The following ZMAT4 variants were observed in gnomAD, a reference collection of about 807,000 sequenced individuals.
ZMAT4 encodes zinc finger matrin-type protein 4.
A neutral mutation model predicts 28.7 loss-of-function variants in ZMAT4; 17 were observed. The observed-to-expected ratio is 0.59, with a 90% CI of 0.41 to 0.89. The LOEUF (loss-of-function observed/expected upper bound fraction) is 0.89, where lower values mean the gene tolerates loss of function less well. ZMAT4 is among the 40% of genes least tolerant of loss of function. The pLI, the probability that ZMAT4 is intolerant of heterozygous loss-of-function variation, is 0.00. For synonymous variants in ZMAT4, 117 were observed against 109.2 expected (o/e 1.07, Z -0.44); for missense variants, 240 against 283.8 (o/e 0.85, Z 1.11).
At chr8:40,633,131 CA>C (rs1806657364) in intron 5 of ZMAT4, among the ~76,000 whole-genome samples, 2 of 152,086 alleles carry the variant, frequency 1.3e-5, no homozygotes, top group African/African-American at 4.8e-5. Context: ...AAAAAATTAA[CA>C]TTAATTTTTT....
intron 5 of ZMAT4, among the ~76,000 whole-genome samples, chr8:40,663,159 C>A (rs984639214): frequency 5.9e-5 from 9 of 152,172 alleles, no homozygotes; most frequent in African/African-American, 2.2e-4. Context: ...AACCCAAGGT[C>A]CCATCTGACC....
chr8:40,819,381 T>C (rs1815661548), intron 2 of ZMAT4, among the ~76,000 whole-genome samples: 1 of 152,200 alleles, frequency 6.6e-6, no homozygotes, highest in Non-Finnish European at 1.5e-5. Context: ...CAATGCTCAA[T>C]GTATTAATAC....
At chr8:40,687,019 G>A (rs1005477169) in intron 4 of ZMAT4, among the ~76,000 whole-genome samples, 4 of 152,138 alleles carry the variant, frequency 2.6e-5, no homozygotes, top group African/African-American at 9.7e-5. Context: ...GTGCAATGGT[G>A]GTGGCATGTT....
intron 3 of ZMAT4, among the ~76,000 whole-genome samples, chr8:40,759,302 A>C (rs967815867): frequency 7.5e-6 from 1 of 132,670 alleles, no homozygotes; most frequent in Admixed American, 7.5e-5. Flanking sequence ...AAAAAAAAAA[A>C]GGGAAAAGCC....
At position 40,612,219 on chromosome 8, in the gene ZMAT4, A is replaced by ACTGCAACCTCCGCCTGCCAGG. The variant is rs1343159518; in HGVS notation, c.578-30959_578-30958insCCTGGCAGGCGGAGGTTGCAG. 1.9e-4 allele frequency among the ~76,000 whole-genome samples: 27 copies of ACTGCAACCTCCGCCTGCCAGG among 141,272 alleles called. 4 individuals are homozygous for ACTGCAACCTCCGCCTGCCAGG. The highest frequency in any genetic ancestry group is 3.0e-4 in the Non-Finnish European group (18 of 60,760). 92.7% of individuals were successfully genotyped at this position (141,272 alleles called of 152,430 possible). A position where few individuals can be genotyped will look rare whatever the true frequency, so the allele number is the denominator to read the frequency against. ...ATGAACACTCAATCAATGCTCATTC[A>ACTGCAACCTCCGCCTGCCAGG]TATCCTCTGTCTTCTTTCTCTTAGA... On this transcript the variant is annotated intron_variant, in intron 5 of 6. Transcript: ENST00000297737.
At chr8:40,815,696 A>G (rs1395633584) in intron 2 of ZMAT4, among the ~76,000 whole-genome samples, 1 of 152,226 alleles carries the variant, frequency 6.6e-6, no homozygotes, top group Non-Finnish European at 1.5e-5. Flanking sequence ...GAGAAATGCT[A>G]TAGGTCAGAC....
chr8:40,675,954 T>A (rs182293830), intron 4 of ZMAT4, among the ~76,000 whole-genome samples: 19 of 152,330 alleles, frequency 1.2e-4, no homozygotes, highest in Admixed American at 3.3e-4. Flanking sequence ...CATTTTACTG[T>A]GAGCTTAGGA....
At chr8:40,646,680 G>C (rs1253792411) in intron 5 of ZMAT4, among the ~76,000 whole-genome samples, 1 of 152,046 alleles carries the variant, frequency 6.6e-6, no homozygotes, top group Non-Finnish European at 1.5e-5. Flanking sequence ...ATGTACCTAA[G>C]AATAGAGCCC....
chr8:40,874,747 G>A (rs889065366), intron 1 of ZMAT4, among the ~76,000 whole-genome samples: 3 of 152,228 alleles, frequency 2.0e-5, no homozygotes, highest in Admixed American at 6.5e-5. Context: ...ATTTATTTTA[G>A]TAGTTTTATC....
intron 2 of ZMAT4, among the ~76,000 whole-genome samples, chr8:40,812,618 T>C (rs1263193623): frequency 6.6e-6 from 1 of 152,074 alleles, no homozygotes. Flanking sequence ...TGAACAAAGA[T>C]TGGACTTGAC....
rs139403907 is a variant in ZMAT4 at position 40,665,221 on chromosome 8, CAA to C, written c.577+9481_577+9482del. Among the ~76,000 whole-genome samples, 822 of 148,650 alleles carry C rather than the reference CAA, an allele frequency of 5.5e-3. 6 individuals are homozygous for C. The highest frequency in any genetic ancestry group is 0.018 in the African/African-American group (746 of 40,598). ...ACTGTCTCAAAAAAACAAACAACAA[CAA>C]AAAAACACACACACAAAAAAAACAA... On this transcript the variant is annotated intron_variant, in intron 5 of 6. Transcript: ENST00000297737.
chr8:40,584,857 CG>C (rs1380898937), intron 5 of ZMAT4, among the ~76,000 whole-genome samples: 1 of 152,144 alleles, frequency 6.6e-6, no homozygotes, highest in African/African-American at 2.4e-5. Flanking sequence ...TGGTCTCAAA[CG>C]CCAGATCTCA....
intron 1 of ZMAT4, among the ~76,000 whole-genome samples, chr8:40,844,657 C>CTGTGTGTGTGTGTGTGTG: frequency 7.0e-6 from 1 of 142,496 alleles, no homozygotes; most frequent in East Asian, 2.1e-4. Flanking sequence ...CTCTCTCATT[C>CTGTGTGTGTGTGTGTGTG]TGTGTGTGTG....
At chr8:40,713,525 A>G (rs1245416372) in intron 3 of ZMAT4, among the ~76,000 whole-genome samples, 2 of 152,208 alleles carry the variant, frequency 1.3e-5, no homozygotes, top group African/African-American at 4.8e-5. Context: ...GCTTAGCTAT[A>G]TAAAGAACAC....
chr8:40,540,097 C>T (rs1802979832), intron 6 of ZMAT4, among the ~76,000 whole-genome samples: 2 of 152,172 alleles, frequency 1.3e-5, no homozygotes, highest in Admixed American at 6.5e-5. Context: ...AACACATCAG[C>T]GTGATGAGGG....
rs999476121 is a variant in ZMAT4 at position 40,894,161 on chromosome 8, C to T, written c.-5+3522G>A. 5.9e-5 allele frequency among the ~76,000 whole-genome samples: 9 copies of T among 152,346 alleles called. 1 individual carries two copies. The highest frequency in any genetic ancestry group is 2.6e-4 in the Admixed American group (4 of 15,314). ...CCTCAGGACAGTGGCACAGTGAGGG[C>T]TTGCGGCTGGTGGGACTCTCCAGGT... On this transcript the variant is annotated intron_variant, in intron 1 of 6. Coordinates refer to ENST00000297737, the MANE Select transcript of ZMAT4 (RefSeq NM_024645.3).
chr8:40,732,280 G>A (rs1214910646), intron 3 of ZMAT4, among the ~76,000 whole-genome samples: 1 of 125,612 alleles, frequency 8.0e-6, no homozygotes, highest in Non-Finnish European at 1.9e-5. Flanking sequence ...AAAGACAAAG[G>A]GACCTTAGAA....
intron 1 of ZMAT4, among the ~76,000 whole-genome samples, chr8:40,873,044 TA>T (rs924842093): frequency 1.6e-4 from 24 of 151,282 alleles, no homozygotes; most frequent in Admixed American, 2.0e-4. Context: ...CCCAAGAGGT[TA>T]AAAAAAAATT....
chr8:40,571,445 C>T (rs1804095429), intron 6 of ZMAT4, among the ~76,000 whole-genome samples: 1 of 152,126 alleles, frequency 6.6e-6, no homozygotes, highest in Non-Finnish European at 1.5e-5. Flanking sequence ...CCTGTTTCTT[C>T]TGAGGCCTTC....
Sources: allele counts gnomAD v4.1 joint callset (sites outside exome capture counted in the v4.1 genomes callset), GRCh38; gene constraint gnomAD v4.1.1; transcripts MANE v1.5; gene names NCBI Gene and HGNC (gene_info 2026-07-23, HGNC 2026-07-21).